The following EMID1 variants were observed in gnomAD, a reference collection of about 807,000 sequenced individuals.
EMID1 encodes EMI domain-containing protein 1.
A neutral mutation model predicts 60.6 loss-of-function variants in EMID1; 40 were observed. The ratio of observed to expected loss-of-function variants is 0.66; its 90% confidence interval spans 0.51 to 0.86. EMID1 has a LOEUF of 0.86. Ranked by LOEUF, EMID1 falls within the 40% of genes least tolerant of loss-of-function variation. The probability of loss-of-function intolerance (pLI) is 0.00; values close to 1 mark genes in which losing one functional copy is unlikely to be tolerated. For missense variants in EMID1, 585 were observed against 597.1 expected, an observed-to-expected ratio of 0.98 and a Z score of 0.21; for synonymous variants, 242 against 231.0, an observed-to-expected ratio of 1.05 and a Z score of -0.43.
chr22:29,213,999 G>C (rs1297872169), intron 1 of EMID1, among the ~76,000 whole-genome samples: 2 of 152,332 alleles, frequency 1.3e-5, no homozygotes, highest in South Asian at 2.1e-4. Flanking sequence ...AAACAGGGTG[G>C]GGGTACCTTC....
chr22:29,212,813 T>C (rs1210917145), intron 1 of EMID1, among the ~76,000 whole-genome samples: 2 of 152,094 alleles, frequency 1.3e-5, no homozygotes, highest in Non-Finnish European at 2.9e-5. Flanking sequence ...GATCCACCCA[T>C]CTCGGCCTGC....
At position 29,226,498 on chromosome 22, in the gene EMID1, A is replaced by G; in HGVS notation, c.412A>G (p.Asn138Asp). ...LRPTAFSGCLNCSKVSELTER... is the reference protein window; with the variant it reads ...LRPTAFSGCLDCSKVSELTER... ...TTCCTCCCTCCCCGCAGGTTGTCTC[A>G]ACTGCAGCAAAGTGTCAGAGCTGAC... is the stretch of plus-strand genomic sequence containing the variant. The change falls in exon 5 of 15, where the codon AAC (asparagine) becomes GAC (aspartate). Residue 138 changes from asparagine to aspartate, a missense_variant. By Grantham distance (23) the Asn-to-Asp change is conservative. Transcript: ENST00000334018. The G allele has an allele frequency of 6.2e-7, 1 of 1,611,662 alleles. No homozygotes were observed. The highest frequency in any genetic ancestry group is 8.5e-7 in the Non-Finnish European group (1 of 1,178,842).
At chr22:29,234,019 G>A in intron 10 of EMID1, 118 bp from the exon 11 acceptor site, 1 of 1,153,270 alleles carries the variant, frequency 8.7e-7, no homozygotes, top group African/African-American at 1.5e-5. Flanking sequence ...TGGGTGTATG[G>A]TGAAGAACCC....
At chr22:29,240,313 T>C (rs1230690812) in intron 12 of EMID1, among the ~76,000 whole-genome samples, 1 of 152,144 alleles carries the variant, frequency 6.6e-6, no homozygotes, top group Non-Finnish European at 1.5e-5. Flanking sequence ...TTTCGCTTCC[T>C]CCAGGTTGCT....
intron 1 of EMID1, among the ~76,000 whole-genome samples, chr22:29,210,483 G>C (rs190373875): frequency 1.4e-4 from 21 of 152,102 alleles, no homozygotes; most frequent in African/African-American, 5.1e-4. Context: ...TGATCCACCT[G>C]CCTCAGCCTC....
In EMID1 at chr22:29,222,204, C is replaced by T. The variant is rs146071963; in HGVS notation, c.320-2929C>T. On this transcript the variant is annotated intron_variant, in intron 3 of 14. Coordinates refer to ENST00000334018, the MANE Select transcript of EMID1 (RefSeq NM_133455.4). ...GACCTTCCAAGTTCAAGCTATCCTCCCGTATCAGTCTCCCAAGTAGCTGGG... is the reference window on the plus strand; with the variant it reads ...GACCTTCCAAGTTCAAGCTATCCTCTCGTATCAGTCTCCCAAGTAGCTGGG... Among the ~76,000 whole-genome samples, 446 of 152,218 alleles carry T rather than the reference C, an allele frequency of 2.9e-3. 2 individuals carry two copies. Among genetic ancestry groups the T allele is most frequent in the African/African-American group, 0.01 (434 of 41,532 alleles).
chr22:29,222,395 A>G (rs2146210158), intron 3 of EMID1, among the ~76,000 whole-genome samples: 1 of 139,266 alleles, frequency 7.2e-6, no homozygotes, highest in East Asian at 2.2e-4. Flanking sequence ...CGCCTGGCCC[A>G]TTTATGCTGA....
intron 14 of EMID1, among the ~76,000 whole-genome samples, chr22:29,256,844 C>T (rs1247554780): frequency 1.3e-5 from 2 of 151,952 alleles, no homozygotes; most frequent in East Asian, 1.9e-4. Context: ...TGTGCAGAGG[C>T]CCAGAGCCTG....
chr22:29,223,677 C>T (rs1430806777), intron 3 of EMID1, among the ~76,000 whole-genome samples: 3 of 152,194 alleles, frequency 2.0e-5, no homozygotes, highest in East Asian at 1.9e-4. Context: ...TTCCTCCTAG[C>T]GGGGAAGTGG....
At position 29,234,043 on chromosome 22, in the gene EMID1, A is replaced by G. The variant is rs1036202615; in HGVS notation, c.967-94A>G. On this transcript the variant is annotated intron_variant, in intron 10 of 14. Coordinates refer to ENST00000334018, the MANE Select transcript of EMID1 (RefSeq NM_133455.4). The stretch of plus-strand genomic sequence containing the variant: ...GGTGAAGAACCCAGAGGCCCAGACC[A>G]AGCTTGAGCGCCCTCCCCAACACCT... 2.8e-6 allele frequency: 4 copies of G among 1,446,160 alleles called. No homozygotes were observed. In the African/African-American group the frequency reaches 5.7e-5, roughly 20 times the overall value. The allele number at this position is 1,446,160 out of a possible 1,614,324, so 89.6% of individuals were successfully genotyped here.
At chr22:29,213,158 TCTG>T (rs2146126597) in intron 1 of EMID1, among the ~76,000 whole-genome samples, 1 of 152,362 alleles carries the variant, frequency 6.6e-6, no homozygotes, top group Non-Finnish European at 1.5e-5. Context: ...TTGGTCTTTG[TCTG>T]CTTTTTTCCT....
At chr22:29,226,117 C>G (rs2040499042) in intron 4 of EMID1, among the ~76,000 whole-genome samples, 1 of 152,182 alleles carries the variant, frequency 6.6e-6, no homozygotes, top group Admixed American at 6.5e-5. Context: ...GAGCTCTAAA[C>G]TCTTAGCCCA....
chr22:29,225,952 C>A (rs1418592287), intron 4 of EMID1, among the ~76,000 whole-genome samples: 1 of 152,188 alleles, frequency 6.6e-6, no homozygotes, highest in Admixed American at 6.5e-5. Context: ...AGGTTGGGAC[C>A]TTTGAGGCCA....
chr22:29,248,073 C>T (rs1050852652), intron 13 of EMID1, among the ~76,000 whole-genome samples: 2 of 151,518 alleles, frequency 1.3e-5, no homozygotes, highest in East Asian at 1.9e-4. Flanking sequence ...TTGCCTCAGC[C>T]TCCCAAGTAG....
intron 13 of EMID1, among the ~76,000 whole-genome samples, chr22:29,252,252 G>A (rs1374003100): frequency 1.3e-5 from 2 of 152,236 alleles, no homozygotes; most frequent in Non-Finnish European, 2.9e-5. Context: ...ATGTGGACAG[G>A]ACAGCTGGAT....
At chr22:29,210,532 G>A (rs1035835847) in intron 1 of EMID1, among the ~76,000 whole-genome samples, 8 of 151,542 alleles carry the variant, frequency 5.3e-5, no homozygotes, top group Middle Eastern at 3.4e-3. Flanking sequence ...CACTGCGCCC[G>A]GCCAACAATT....
At chr22:29,216,449 G>A (rs1015589079) in intron 3 of EMID1, 1 of 985,338 alleles carries the variant, frequency 1.0e-6, no homozygotes, top group Non-Finnish European at 1.2e-6. Context: ...GGATGGGCTG[G>A]CCCAGAACCA....
Position 29,237,800 on chromosome 22 carries a change from C to CAA in EMID1, c.1074+3458_1074+3459dup, listed in dbSNP as rs71196642. On this transcript the variant is annotated intron_variant, in intron 12 of 14. Transcript: ENST00000334018. ...TGGGCAACAGAGCGAGACTCCGTTTCAAAAAAAACAAACAAAAAAAATCTG... is the reference window on the plus strand; with the variant it reads ...TGGGCAACAGAGCGAGACTCCGTTTCAAAAAAAAAACAAACAAAAAAAATCTG... 7.8e-5 allele frequency among the ~76,000 whole-genome samples: 11 copies of CAA among 140,530 alleles called. 1 individual carries two copies. In the South Asian group the frequency reaches 2.1e-3, roughly 27 times the overall value. 92.2% of individuals were successfully genotyped at this position (140,530 alleles called of 152,430 possible). A position where few individuals can be genotyped will look rare whatever the true frequency, so the allele number is the denominator to read the frequency against.
intron 3 of EMID1, among the ~76,000 whole-genome samples, chr22:29,220,907 G>A (rs1215653409): frequency 6.6e-6 from 1 of 152,102 alleles, no homozygotes; most frequent in East Asian, 1.9e-4. Flanking sequence ...GGCAACACTG[G>A]CCGTGTGGAG....
Sources: allele counts gnomAD v4.1 joint callset (sites outside exome capture counted in the v4.1 genomes callset), GRCh38; gene constraint gnomAD v4.1.1; transcripts MANE v1.5; gene names NCBI Gene and HGNC (gene_info 2026-07-23, HGNC 2026-07-21).